Variants in NEDD9 observed in about 807,000 individuals in gnomAD.
The protein encoded by NEDD9 is neural precursor cell expressed, developmentally down-regulated 9.
NEDD9 carries 26 observed loss-of-function variants against 76.6 expected under a neutral mutation model. The observed-to-expected ratio is 0.34, with a 90% confidence interval of 0.25 to 0.47. NEDD9 has a LOEUF of 0.47. NEDD9 is among the 20% of genes least tolerant of loss of function. The pLI is 1.00. For synonymous variants in NEDD9, 392 were observed against 414.2 expected, an observed-to-expected ratio of 0.95 and a Z score of 0.65; for missense variants, 937 against 1,058.5, an observed-to-expected ratio of 0.89 and a Z score of 1.59.
chr6:11,268,707 A>T (rs1760245500), intron 3 of NEDD9, among the ~76,000 whole-genome samples: 1 of 151,528 alleles, frequency 6.6e-6, no homozygotes, highest in African/African-American at 2.4e-5. Context: ...CAGCCTGGGC[A>T]ACAAGAACGA....
intron 1 of NEDD9, among the ~76,000 whole-genome samples, chr6:11,375,910 C>T (rs995314774): frequency 6.6e-6 from 1 of 152,080 alleles, no homozygotes; most frequent in African/African-American, 2.4e-5. Flanking sequence ...CTGCAAGCTC[C>T]GCCTCCCGGG....
intron 3 of NEDD9, among the ~76,000 whole-genome samples, chr6:11,270,084 G>A (rs931582977): frequency 4.6e-5 from 7 of 152,184 alleles, no homozygotes; most frequent in Non-Finnish European, 8.8e-5. Context: ...AGCCGAGATC[G>A]CATCACTGCA....
chr6:11,358,181 G>A (rs1021229266), intron 1 of NEDD9, among the ~76,000 whole-genome samples: 18 of 149,522 alleles, frequency 1.2e-4, no homozygotes, highest in African/African-American at 3.9e-4. Context: ...TCCGGAAGGC[G>A]GAGGTTGCAG....
At chr6:11,381,019 T>G (rs1274805598) in intron 1 of NEDD9, among the ~76,000 whole-genome samples, 1 of 152,216 alleles carries the variant, frequency 6.6e-6, no homozygotes, top group East Asian at 1.9e-4. Context: ...ACTAAATAGC[T>G]GTTAAATAAA....
intron 1 of NEDD9, among the ~76,000 whole-genome samples, chr6:11,355,903 A>G (rs909651941): frequency 1.3e-5 from 2 of 151,460 alleles, no homozygotes; most frequent in Admixed American, 1.3e-4. Flanking sequence ...TGTATTTTTT[A>G]GTAGAGACGG....
In NEDD9 at chr6:11,232,474, C is replaced by T. The variant is rs56346738; in HGVS notation, c.12+30G>A. 5,964 of 1,614,064 alleles carry T rather than the reference C, an allele frequency of 3.7e-3. 185 individuals carry two copies. In the African/African-American group the frequency reaches 0.066, roughly 18 times the overall value. ...ACCCGCAGGCACAGCTTTCAGCTTG[C>T]AAGGTAACCTGTAAAAGGCACTCTC... On this transcript the variant is annotated intron_variant, in intron 1 of 6. Coordinates refer to ENST00000379446, the MANE Select transcript of NEDD9 (RefSeq NM_006403.4).
intron 1 of NEDD9, among the ~76,000 whole-genome samples, chr6:11,345,808 A>AT (rs202103558): frequency 0.016 from 2,410 of 152,366 alleles, 65 homozygotes; most frequent in African/African-American, 0.052. Context: ...TTTAGCTGAG[A>AT]TCGAAGGCCA....
chr6:11,210,251 C>A (rs925792445), intron 2 of NEDD9, among the ~76,000 whole-genome samples: 1 of 152,106 alleles, frequency 6.6e-6, no homozygotes, highest in Non-Finnish European at 1.5e-5. Flanking sequence ...GAGGGAAAGA[C>A]CTGGGAATCT....
intron 3 of NEDD9, among the ~76,000 whole-genome samples, chr6:11,291,950 T>C (rs1393432114): frequency 6.6e-6 from 1 of 152,210 alleles, no homozygotes; most frequent in African/African-American, 2.4e-5. Context: ...AGGGTCACCT[T>C]TGAGTTCTCT....
intron 1 of NEDD9, among the ~76,000 whole-genome samples, chr6:11,351,711 T>A (rs1268961760): frequency 6.6e-6 from 1 of 152,264 alleles, no homozygotes; most frequent in Non-Finnish European, 1.5e-5. Context: ...GACTGTCCAC[T>A]CTTCATCCAA....
At chr6:11,246,258 C>T (rs1026151984) in intron 3 of NEDD9, among the ~76,000 whole-genome samples, 1 of 152,196 alleles carries the variant, frequency 6.6e-6, no homozygotes, top group African/African-American at 2.4e-5. Flanking sequence ...TGGCTCGGGG[C>T]CTGGCACAGG....
chr6:11,190,051 G>A lies in NEDD9; in HGVS notation c.1818C>T (p.Gly606=). The change falls in exon 5 of 7, where the codon GGC becomes GGT. Residue 606 remains glycine, a synonymous_variant. Transcript: ENST00000379446. This position sits in a 1 kb window ranked among gnomAD's most constrained non-coding sequence, Gnocchi z 5.8. The part of the protein sequence containing the change: ...AQAHNKALPP[G]LSKEQAPDCS... ...AGTCAGGGGCCTGCTCCTTGCTCAG[G>A]CCTGGGGGCAGTGCCTTGTTGTGGG... The A allele has an allele frequency of 1.3e-6, 2 of 1,587,248 alleles. No individual in the cohort carries two copies. The highest frequency in any genetic ancestry group is 8.6e-7 in the Non-Finnish European group (1 of 1,165,654).
At chr6:11,254,946 T>C (rs1679857591) in intron 3 of NEDD9, among the ~76,000 whole-genome samples, 1 of 152,228 alleles carries the variant, frequency 6.6e-6, no homozygotes, top group African/African-American at 2.4e-5. Flanking sequence ...ATTAAGTACA[T>C]GCTGCTTTGC....
At chr6:11,346,303 A>T (rs1762362506) in intron 1 of NEDD9, among the ~76,000 whole-genome samples, 1 of 152,186 alleles carries the variant, frequency 6.6e-6, no homozygotes, top group South Asian at 2.1e-4. Flanking sequence ...CTGATTCAGT[A>T]CATTCTCCCA....
At chr6:11,205,810 T>C (rs570097631) in intron 2 of NEDD9, among the ~76,000 whole-genome samples, 2 of 152,232 alleles carry the variant, frequency 1.3e-5, no homozygotes, top group African/African-American at 4.8e-5. Context: ...TTGTATTTAG[T>C]GGAGACGGGG....
At chr6:11,221,137 C>G (rs1399724012) in intron 1 of NEDD9, among the ~76,000 whole-genome samples, 1 of 152,078 alleles carries the variant, frequency 6.6e-6, no homozygotes, top group African/African-American at 2.4e-5. Context: ...AATCCCAGCA[C>G]TTTGGGAGGC....
intron 6 of NEDD9, among the ~76,000 whole-genome samples, 200 bp downstream of exon 6, chr6:11,188,018 T>G (rs1439609400): frequency 6.6e-6 from 1 of 152,234 alleles, no homozygotes; most frequent in Non-Finnish European, 1.5e-5. Context: ...GCCGTTTAGA[T>G]GGAACCCAGG....
rs774982048 is a variant in NEDD9, at chr6:11,213,285, T to A, written c.455A>T (p.Lys152Ile). ...IGGTSGPHVGKKVITPVRTGH... is the reference protein window; with the variant it reads ...IGGTSGPHVGIKVITPVRTGH... ...TTTAGTTAGTCATTTACTCACCTTTTTACCCACGTGGGGCCCACTGGTTCC... is the reference window on the plus strand; with the variant it reads ...TTTAGTTAGTCATTTACTCACCTTTATACCCACGTGGGGCCCACTGGTTCC... Residue 152 changes from lysine to isoleucine, a missense_variant, in exon 2 of 7, where the codon AAA becomes ATA. Coordinates refer to ENST00000379446, the MANE Select transcript of NEDD9 (RefSeq NM_006403.4). The surrounding 1 kb of genome is among the most constrained non-coding windows in gnomAD (Gnocchi z 5.4). 6.3e-7 allele frequency: 1 copy of A among 1,596,184 alleles called. No individual in the cohort carries two copies. Among genetic ancestry groups the A allele is most frequent in the South Asian group, 1.1e-5 (1 of 90,390 alleles).
At position 11,190,682 on chromosome 6, in the gene NEDD9, G is replaced by A. The variant is rs754806730; in HGVS notation, c.1187C>T (p.Pro396Leu). ...SSKESSLSAS[P>L]AQDKRLFLDP... The stretch of plus-strand genomic sequence containing the variant: ...CAGGAAGAGCCTTTTGTCCTGAGCT[G>A]GGGAGGCTGACAGTGAGGACTCCTT... Residue 396 changes from proline to leucine, a missense_variant, in exon 5 of 7, where the codon CCA (proline) becomes CTA (leucine). Transcript: ENST00000379446. The surrounding 1 kb of genome is among the most constrained non-coding windows in gnomAD (Gnocchi z 5.8). The A allele has an allele frequency of 6.2e-7, 1 of 1,614,136 alleles. No homozygotes were observed. Among genetic ancestry groups the A allele is most frequent in the South Asian group, 1.1e-5 (1 of 91,084 alleles).
Sources: allele counts gnomAD v4.1 joint callset (sites outside exome capture counted in the v4.1 genomes callset), GRCh38; gene constraint gnomAD v4.1.1; non-coding constraint Gnocchi (gnomAD v3.1); transcripts MANE v1.5; gene names NCBI Gene and HGNC (gene_info 2026-07-23, HGNC 2026-07-21).